ATXN1: variants seen among roughly 807,000 people sequenced by gnomAD.
The protein encoded by ATXN1 is ataxin 1.
ATXN1 carries 8 observed loss-of-function variants against 56.4 expected under a neutral mutation model. The ratio of observed to expected loss-of-function variants is 0.14; its 90% CI spans 0.08 to 0.26. The LOEUF is 0.26. Ranked by LOEUF, ATXN1 falls within the 10% of genes least tolerant of loss-of-function variation. The probability of loss-of-function intolerance (pLI) is 1.00; values close to 1 mark genes in which losing one functional copy is unlikely to be tolerated. For missense variants in ATXN1, 987 were observed against 1,106.5 expected (o/e 0.89, Z 1.53); for synonymous variants, 514 against 494.6 (o/e 1.04, Z -0.52).
intron 6 of ATXN1, among the ~76,000 whole-genome samples, chr6:16,420,976 T>A (rs941945202): frequency 6.6e-6 from 1 of 152,332 alleles, no homozygotes; most frequent in South Asian, 2.1e-4. Context: ...GACCCTGACT[T>A]ACATGTGATA....
intron 5 of ATXN1, among the ~76,000 whole-genome samples, chr6:16,493,404 C>A (rs886770759): frequency 6.6e-6 from 1 of 151,120 alleles, no homozygotes; most frequent in African/African-American, 2.4e-5. Flanking sequence ...ACTTTTTCTA[C>A]AACTCTTTTA....
chr6:16,662,630 G>A (rs959005228), intron 2 of ATXN1, among the ~76,000 whole-genome samples: 5 of 152,178 alleles, frequency 3.3e-5, no homozygotes, highest in African/African-American at 9.7e-5. Flanking sequence ...CACTGCACCC[G>A]GCCATTCATC....
chr6:16,486,978 G>A (rs1308993818), intron 5 of ATXN1, among the ~76,000 whole-genome samples: 1 of 151,692 alleles, frequency 6.6e-6, no homozygotes, highest in East Asian at 1.9e-4. Flanking sequence ...ATTTGCTGTT[G>A]CTTTTAATGA....
At chr6:16,497,830 A>T (rs1279943961) in intron 5 of ATXN1, among the ~76,000 whole-genome samples, 2 of 152,208 alleles carry the variant, frequency 1.3e-5, no homozygotes, top group African/African-American at 4.8e-5. Context: ...CTGGAAAGGA[A>T]ATGAAGACCA....
intron 5 of ATXN1, among the ~76,000 whole-genome samples, chr6:16,502,242 G>A (rs891577235): frequency 4.6e-5 from 7 of 152,150 alleles, no homozygotes; most frequent in Admixed American, 4.6e-4. Flanking sequence ...TCAAAGTGCT[G>A]TTTAAAAACT....
At chr6:16,532,773 T>C (rs1211600854) in intron 4 of ATXN1, among the ~76,000 whole-genome samples, 2 of 152,216 alleles carry the variant, frequency 1.3e-5, no homozygotes, top group Non-Finnish European at 2.9e-5. Flanking sequence ...TGGAACTCTG[T>C]GTACATTACT....
At chr6:16,388,380 A>G (rs919236598) in intron 6 of ATXN1, among the ~76,000 whole-genome samples, 4 of 152,204 alleles carry the variant, frequency 2.6e-5, no homozygotes, top group Non-Finnish European at 5.9e-5. Context: ...AAATTCCTCA[A>G]AAAAACTGAG....
intron 2 of ATXN1, among the ~76,000 whole-genome samples, chr6:16,712,333 C>G (rs1465651347): frequency 6.6e-6 from 1 of 151,832 alleles, no homozygotes; most frequent in African/African-American, 2.4e-5. Flanking sequence ...TGGGGATAAC[C>G]CCTATTCCGT....
intron 5 of ATXN1, among the ~76,000 whole-genome samples, chr6:16,519,505 A>C (rs751319659): frequency 6.4e-4 from 97 of 152,202 alleles, no homozygotes; most frequent in Non-Finnish European, 1.3e-3. Flanking sequence ...GTGCAGTCCT[A>C]CTGGGCCTGG....
chr6:16,345,824 G>GGCCCAGC (rs1761371220), intron 6 of ATXN1, among the ~76,000 whole-genome samples: 1 of 152,116 alleles, frequency 6.6e-6, no homozygotes, highest in Non-Finnish European at 1.5e-5. Context: ...GCTCACATGC[G>GGCCCAGC]GCCCAGCACA....
intron 4 of ATXN1, among the ~76,000 whole-genome samples, chr6:16,527,317 C>T (rs1761414806): frequency 6.6e-6 from 1 of 151,984 alleles, no homozygotes; most frequent in East Asian, 1.9e-4. Context: ...AATCGTGTCT[C>T]CAGCCATGGA....
chr6:16,674,643 C>T (rs1012511614), intron 2 of ATXN1, among the ~76,000 whole-genome samples: 2 of 151,910 alleles, frequency 1.3e-5, no homozygotes, highest in Non-Finnish European at 2.9e-5. Context: ...AGGCTTGAGC[C>T]ACCACGCCCT....
chr6:16,492,558 C>CTTTT (rs35384376), intron 5 of ATXN1, among the ~76,000 whole-genome samples: 17 of 147,498 alleles, frequency 1.2e-4, no homozygotes, highest in African/African-American at 3.7e-4. Context: ...CAATACATTT[C>CTTTT]TTTTTTTTTT....
At chr6:16,674,232 T>C (rs2113387029) in intron 2 of ATXN1, among the ~76,000 whole-genome samples, 1 of 151,794 alleles carries the variant, frequency 6.6e-6, no homozygotes, top group Non-Finnish European at 1.5e-5. Context: ...TTTTCCACAA[T>C]GACCCGCAGC....
At chr6:16,489,293 G>T (rs1395669212) in intron 5 of ATXN1, among the ~76,000 whole-genome samples, 2 of 152,012 alleles carry the variant, frequency 1.3e-5, no homozygotes, top group Non-Finnish European at 2.9e-5. Flanking sequence ...TACTCCAAAA[G>T]AATCACCAGT....
rs151062682 is a variant in ATXN1, at chr6:16,628,337, T to A, written c.-489+29439A>T. 7.0e-4 allele frequency among the ~76,000 whole-genome samples: 106 copies of A among 152,334 alleles called. 1 individual carries two copies. The highest frequency in any genetic ancestry group is 2.4e-3 in the African/African-American group (101 of 41,578). On this transcript the variant is annotated intron_variant, in intron 3 of 7. Coordinates refer to ENST00000436367, the MANE Select transcript of ATXN1 (RefSeq NM_001128164.2). Reference sequence around the variant, plus strand: ...TCCATGGGATATCCACGTGCCCTCATCAAAATCCCCGTTTCTTAGAAGCTC... The same window carrying A: ...TCCATGGGATATCCACGTGCCCTCAACAAAATCCCCGTTTCTTAGAAGCTC...
chr6:16,681,653 G>C (rs1355189094), intron 2 of ATXN1, among the ~76,000 whole-genome samples: 1 of 152,170 alleles, frequency 6.6e-6, no homozygotes, highest in Non-Finnish European at 1.5e-5. Flanking sequence ...GGATGAAAGA[G>C]CTCAGTGAAT....
chr6:16,490,837 T>C (rs1003496089), intron 5 of ATXN1, among the ~76,000 whole-genome samples: 5 of 152,132 alleles, frequency 3.3e-5, no homozygotes, highest in Non-Finnish European at 5.9e-5. Context: ...GGGGTAGGCA[T>C]GTACCCAAGG....
Position 16,699,070 on chromosome 6 carries a change from G to A in ATXN1, c.-614-41169C>T, listed in dbSNP as rs118029607. ...AGCCTTTTGTTTTCTATTGTTCAGT[G>A]TACAGCTTACCACTAAGCAAGGAAT... On this transcript the variant is annotated intron_variant, in intron 2 of 7. Coordinates refer to ENST00000436367, the MANE Select transcript of ATXN1 (RefSeq NM_001128164.2). Among the ~76,000 whole-genome samples, 194 of 152,308 alleles carry A rather than the reference G, an allele frequency of 1.3e-3. 4 individuals carry two copies. In the East Asian group the frequency reaches 0.035, roughly 28 times the overall value.
Sources: gnomAD v4.1 joint callset for allele counts (sites outside exome capture counted in the v4.1 genomes callset) on GRCh38, gnomAD v4.1.1 for gene constraint, MANE v1.5 for transcripts, NCBI Gene and HGNC (gene_info 2026-07-23, HGNC 2026-07-21) for gene names.